Variants in PTPRA observed in about 807,000 individuals in gnomAD.
The protein encoded by PTPRA is receptor-type tyrosine-protein phosphatase alpha.
PTPRA carries 25 observed loss-of-function variants against 104.8 expected under a neutral mutation model. That is an observed-to-expected ratio of 0.24 (90% CI 0.17 to 0.33). PTPRA has a LOEUF of 0.33. Ranked by LOEUF, PTPRA falls within the 10% of genes least tolerant of loss-of-function variation. The pLI is 1.00. For missense variants in PTPRA, 765 were observed against 1,015.3 expected (o/e 0.75, Z 3.35); for synonymous variants, 323 against 368.9 (o/e 0.88, Z 1.43).
chr20:3,023,942 C>T (rs2065010719), intron 16 of PTPRA, among the ~76,000 whole-genome samples: 1 of 152,138 alleles, frequency 6.6e-6, no homozygotes, highest in Non-Finnish European at 1.5e-5. Flanking sequence ...AAATCGAGCA[C>T]AGAGGAGGTT....
At chr20:2,887,514 A>G (rs1331082337) in intron 1 of PTPRA, among the ~76,000 whole-genome samples, 2 of 152,150 alleles carry the variant, frequency 1.3e-5, no homozygotes, top group African/African-American at 4.8e-5. Context: ...TAAGCAGTAG[A>G]GGCATTAGGG....
At chr20:2,958,232 T>C (rs1362302107) in intron 3 of PTPRA, among the ~76,000 whole-genome samples, 1 of 151,698 alleles carries the variant, frequency 6.6e-6, no homozygotes, top group African/African-American at 2.4e-5. Flanking sequence ...GGATAGAAAG[T>C]GTGGTTGGAG....
intron 1 of PTPRA, among the ~76,000 whole-genome samples, chr20:2,902,285 T>C (rs6138937): frequency 0.22 from 32,848 of 152,208 alleles, 3,994 homozygotes; most frequent in East Asian, 0.36. Context: ...ACAATTTTGA[T>C]TGCACAACTT....
chr20:2,980,344 G>A, intron 6 of PTPRA, among the ~76,000 whole-genome samples: 1 of 151,930 alleles, frequency 6.6e-6, no homozygotes, highest in East Asian at 2.0e-4. Flanking sequence ...GAGGCAGGCT[G>A]ATCACCTGAG....
the PTPRA span, chr20:2,865,205 G>A: frequency 6.2e-7 from 1 of 1,614,042 alleles, no homozygotes; most frequent in African/African-American, 1.3e-5. This position sits in a 1 kb window ranked among gnomAD's most constrained non-coding sequence, Gnocchi z 5.2. Flanking sequence ...AGACGAGCTG[G>A]GGGGCCAGTT....
At position 2,880,734 on chromosome 20, in the gene PTPRA, A is replaced by G. The variant is rs970104058; in HGVS notation, c.-129+6974A>G. Among the ~76,000 whole-genome samples the G allele has an allele frequency of 2.0e-5, 3 of 152,208 alleles. No individual in the cohort carries two copies. In the East Asian group the frequency reaches 5.8e-4, roughly 29 times the overall value. ...TTTAAGATTCCTTTTAATCGTATGT[A>G]GAACCCAGCTGCACGGTGGCTCACA... On this transcript the variant is annotated intron_variant, in intron 1 of 23. Transcript: ENST00000399903.
At position 2,931,454 on chromosome 20, in the gene PTPRA, G is replaced by T. The variant is rs115208071; in HGVS notation, c.-50+8169G>T. ...GTGTAAGGTGATAGACAGTCAGCAG[G>T]CACTTGGAGAATGGTGATGTATGTT... On this transcript the variant is annotated intron_variant, in intron 2 of 23. Transcript: ENST00000399903. 4.9e-3 allele frequency among the ~76,000 whole-genome samples: 753 copies of T among 152,280 alleles called. 5 individuals are homozygous for T. Among genetic ancestry groups the T allele is most frequent in the African/African-American group, 0.017 (693 of 41,536 alleles).
At chr20:2,952,374 A>T (rs1374460670) in intron 3 of PTPRA, among the ~76,000 whole-genome samples, 2 of 152,182 alleles carry the variant, frequency 1.3e-5, no homozygotes, top group Admixed American at 1.3e-4. Flanking sequence ...TTTGATAAAA[A>T]TATCTGTTCA....
chr20:2,959,118 G>A (rs2061653669), intron 3 of PTPRA, among the ~76,000 whole-genome samples: 2 of 152,148 alleles, frequency 1.3e-5, no homozygotes, highest in Admixed American at 1.3e-4. Context: ...TTTCCTGGTC[G>A]TGGTCTATGG....
intron 2 of PTPRA, among the ~76,000 whole-genome samples, chr20:2,946,948 A>G (rs1156753743): frequency 6.6e-6 from 1 of 152,186 alleles, no homozygotes; most frequent in Non-Finnish European, 1.5e-5. Context: ...GAAGAGTTTC[A>G]TTGATGAACC....
At chr20:3,002,634 A>G (rs887453655) in intron 9 of PTPRA, among the ~76,000 whole-genome samples, 2 of 152,106 alleles carry the variant, frequency 1.3e-5, no homozygotes, top group Non-Finnish European at 2.9e-5. Context: ...GCCCAAATGT[A>G]GTAATTCTAA....
chr20:2,935,801 A>T (rs1316922365), intron 2 of PTPRA, among the ~76,000 whole-genome samples: 1 of 152,136 alleles, frequency 6.6e-6, no homozygotes, highest in East Asian at 1.9e-4. Context: ...GATCACCTGA[A>T]GTCAGGAGTT....
chr20:2,899,027 A>C (rs1017994195), intron 1 of PTPRA, among the ~76,000 whole-genome samples: 1 of 152,178 alleles, frequency 6.6e-6, no homozygotes, highest in African/African-American at 2.4e-5. Context: ...TTTAGGCTCT[A>C]TGTGAGGAGA....
In PTPRA at chr20:3,024,419, C is replaced by G; in HGVS notation, c.1465-53C>G. On this transcript the variant is annotated intron_variant, in intron 16 of 23. Transcript: ENST00000399903. The stretch of plus-strand genomic sequence containing the variant: ...GTGGGGGTGGGAACAGGTGATCTGG[C>G]ATGAGAACTATGTTGTATGTAACCA... 1.9e-6 allele frequency: 3 copies of G among 1,546,462 alleles called. No individual in the cohort carries two copies. In the South Asian group the frequency reaches 3.5e-5, roughly 18 times the overall value.
At chr20:2,953,935 G>C (rs892050181) in intron 3 of PTPRA, among the ~76,000 whole-genome samples, 5 of 146,956 alleles carry the variant, frequency 3.4e-5, no homozygotes, top group Non-Finnish European at 7.5e-5. Flanking sequence ...TTTTTTTTTA[G>C]AGACAAGCTG....
At chr20:3,013,042 C>CTATAATTGT (rs2064252246) in intron 11 of PTPRA, among the ~76,000 whole-genome samples, 1 of 152,136 alleles carries the variant, frequency 6.6e-6, no homozygotes, top group South Asian at 2.1e-4. Flanking sequence ...ACATTGTCAT[C>CTATAATTGT]CCCTCAAAAG....
Position 3,017,927 on chromosome 20 carries a change from T to C in PTPRA, c.1041+14T>C, listed in dbSNP as rs775090884. On this transcript the variant is annotated intron_variant, in intron 13 of 23. Transcript: ENST00000399903. ...GAGAGAAAGGAGGTAAGTGGAAAAA[T>C]TGGATGTGAACAGCAGAAGGATCAC... 6.2e-7 allele frequency: 1 copy of C among 1,605,416 alleles called. No individual in the cohort carries two copies. Among genetic ancestry groups the C allele is most frequent in the Admixed American group, 1.7e-5 (1 of 59,980 alleles).
chr20:2,980,050 T>A (rs2062606872), intron 6 of PTPRA, among the ~76,000 whole-genome samples: 2 of 152,016 alleles, frequency 1.3e-5, no homozygotes, highest in East Asian at 2.0e-4. Flanking sequence ...GTAGCTGGGA[T>A]TACAGGCATG....
chr20:3,006,649 T>TTTCTTTC (rs2063887234), intron 10 of PTPRA, among the ~76,000 whole-genome samples: 1 of 152,204 alleles, frequency 6.6e-6, no homozygotes, highest in Non-Finnish European at 1.5e-5. Context: ...CTTTTTCTTT[T>TTTCTTTC]TTCTTTCTCG....
Sources: gnomAD v4.1 joint callset for allele counts (sites outside exome capture counted in the v4.1 genomes callset) on GRCh38, gnomAD v4.1.1 for gene constraint, Gnocchi (gnomAD v3.1) non-coding constraint, MANE v1.5 for transcripts, NCBI Gene and HGNC (gene_info 2026-07-23, HGNC 2026-07-21) for gene names.